Variants in CDH7 observed in about 807,000 individuals in gnomAD.
CDH7 encodes cadherin 7, also known as cadherin-7.
Under a neutral mutation model 71.8 loss-of-function variants are expected in CDH7, and 25 were observed. That is an observed-to-expected ratio of 0.35 (90% CI 0.25 to 0.49). The LOEUF is 0.49. Among genes scored for constraint, CDH7 ranks in the 20% least tolerant of loss-of-function variants. The pLI is 0.99. For missense variants in CDH7, 862 were observed against 974.6 expected, an observed-to-expected ratio of 0.88 and a Z score of 1.54; for synonymous variants, 381 against 363.8, an observed-to-expected ratio of 1.05 and a Z score of -0.54.
intron 2 of CDH7, among the ~76,000 whole-genome samples, chr18:65,790,244 G>A (rs1309097267): frequency 6.7e-4 from 81 of 120,658 alleles, no homozygotes; most frequent in African/African-American, 8.0e-4. Flanking sequence ...AAAAAAAAAA[G>A]AAGTTGCCTG....
chr18:65,817,845 G>C (rs1209009977), intron 4 of CDH7, among the ~76,000 whole-genome samples: 2 of 152,096 alleles, frequency 1.3e-5, no homozygotes, highest in Admixed American at 6.5e-5. Flanking sequence ...TATCATCAAA[G>C]GATATTTTTA....
At chr18:65,770,482 T>C (rs1916509853) in intron 2 of CDH7, among the ~76,000 whole-genome samples, 1 of 152,222 alleles carries the variant, frequency 6.6e-6, no homozygotes, top group Non-Finnish European at 1.5e-5. Context: ...TTAATGTATT[T>C]ACAGGGTTGA....
intron 2 of CDH7, among the ~76,000 whole-genome samples, chr18:65,763,523 A>G (rs1366135991): frequency 2.0e-5 from 3 of 152,018 alleles, no homozygotes; most frequent in Non-Finnish European, 4.4e-5. Flanking sequence ...AAATGAAACT[A>G]TTGACCCTAA....
At chr18:65,783,486 A>G (rs1910388272) in intron 2 of CDH7, among the ~76,000 whole-genome samples, 1 of 152,214 alleles carries the variant, frequency 6.6e-6, no homozygotes, top group Non-Finnish European at 1.5e-5. Context: ...CTCTTGTAGA[A>G]CTTCAAGTTA....
Position 65,768,938 on chromosome 18 carries a change from TC to T in CDH7, c.210+5888del, listed in dbSNP as rs1001106979. On this transcript the variant is annotated intron_variant, in intron 2 of 11. Transcript: ENST00000397968. The stretch of plus-strand genomic sequence containing the variant: ...TGTGTTTACTTTCTTCTTTTCTCTC[TC>T]CTTTTTTTTTTCAAATATTTATCGC... 1.4e-4 allele frequency among the ~76,000 whole-genome samples: 21 copies of T among 152,048 alleles called. 1 individual carries two copies. Among genetic ancestry groups the T allele is most frequent in the African/African-American group, 4.8e-4 (20 of 41,508 alleles).
At chr18:65,814,644 T>C in intron 4 of CDH7, 40 bp downstream of exon 4, 1 of 1,567,686 alleles carries the variant, frequency 6.4e-7, no homozygotes, top group African/African-American at 1.4e-5. Flanking sequence ...AGTCATCATT[T>C]GTTTGCTGCT....
intron 6 of CDH7, among the ~76,000 whole-genome samples, chr18:65,842,507 AATGTGT>A: frequency 6.6e-6 from 1 of 151,920 alleles, no homozygotes; most frequent in South Asian, 2.1e-4. Context: ...TTATATATAT[AATGTGT>A]ATATGTGTGT....
intron 6 of CDH7, 35 bp from the exon 7 acceptor site, chr18:65,843,777 C>T (rs371709344): frequency 3.2e-5 from 47 of 1,467,308 alleles, no homozygotes; most frequent in African/African-American, 2.0e-4. Flanking sequence ...ACTGTTTAAC[C>T]GGTAATTTAA....
intron 2 of CDH7, among the ~76,000 whole-genome samples, chr18:65,781,926 C>T (rs1224967166): frequency 1.0e-5 from 1 of 100,130 alleles, no homozygotes; most frequent in Non-Finnish European, 1.9e-5. Context: ...CTCTCTTTCT[C>T]TCTCTCTCTC....
intron 7 of CDH7, among the ~76,000 whole-genome samples, chr18:65,855,752 G>C (rs1252406347): frequency 6.6e-6 from 1 of 152,082 alleles, no homozygotes; most frequent in Non-Finnish European, 1.5e-5. Context: ...TACAAGTACA[G>C]CCTTATTCTT....
chr18:65,762,022 C>A (rs1916204922), intron 1 of CDH7, among the ~76,000 whole-genome samples: 2 of 152,176 alleles, frequency 1.3e-5, no homozygotes, highest in Non-Finnish European at 1.5e-5. Context: ...ACACAGCATA[C>A]ATGACAATAA....
At chr18:65,755,868 C>T (rs924823640) in intron 1 of CDH7, among the ~76,000 whole-genome samples, 1 of 152,080 alleles carries the variant, frequency 6.6e-6, no homozygotes, top group African/African-American at 2.4e-5. Context: ...TCAGAGAAGA[C>T]AGTGGATGAA....
intron 6 of CDH7, among the ~76,000 whole-genome samples, chr18:65,841,544 A>C (rs1912733412): frequency 6.6e-6 from 1 of 152,178 alleles, no homozygotes; most frequent in Admixed American, 6.6e-5. Flanking sequence ...TTTTATAAAG[A>C]ATATAAGAAC....
At chr18:65,750,746 C>G (rs994614564), upstream of CDH7, 6 of 152,870 alleles carry the variant, frequency 3.9e-5, no homozygotes, top group Non-Finnish European at 8.7e-5. Flanking sequence ...CCCTCTTCCC[C>G]TCCCTCTTCG....
At chr18:65,780,910 C>A in intron 2 of CDH7, among the ~76,000 whole-genome samples, 1 of 137,478 alleles carries the variant, frequency 7.3e-6, no homozygotes, top group East Asian at 2.1e-4. Context: ...TTGCCTCTCT[C>A]TATTCCTGTT....
At position 65,843,861 on chromosome 18, in the gene CDH7, C is replaced by T; in HGVS notation, c.1031C>T (p.Ala344Val). The T allele has an allele frequency of 6.3e-7, 1 of 1,581,190 alleles. No homozygotes were observed. The highest frequency in any genetic ancestry group is 8.6e-7 in the Non-Finnish European group (1 of 1,160,584). The change falls in exon 7 of 12, where the codon GCA (alanine) becomes GTA (valine). Residue 344 changes from alanine to valine, a missense_variant. Transcript: ENST00000397968. Reference sequence around the variant, plus strand: ...AGTTACACGCTACGGATAGAAGCTGCAAATAAAGATGCCGACCCTCGCTTT... The same window carrying T: ...AGTTACACGCTACGGATAGAAGCTGTAAATAAAGATGCCGACCCTCGCTTT... Reference protein sequence around the residue: ...KTSYTLRIEAANKDADPRFLS... With the variant: ...KTSYTLRIEAVNKDADPRFLS...
At chr18:65,794,371 G>C (rs1157958043) in intron 2 of CDH7, among the ~76,000 whole-genome samples, 1 of 152,074 alleles carries the variant, frequency 6.6e-6, no homozygotes, top group African/African-American at 2.4e-5. Context: ...ATGGATTAGA[G>C]ATGTTGAGTA....
chr18:65,760,315 T>A (rs1916154226), intron 1 of CDH7, among the ~76,000 whole-genome samples: 2 of 152,196 alleles, frequency 1.3e-5, no homozygotes, highest in Non-Finnish European at 2.9e-5. Context: ...TATTCAAGAT[T>A]ACGTAGTTAA....
At chr18:65,876,873 C>G (rs1413088216) in intron 11 of CDH7, among the ~76,000 whole-genome samples, 1 of 152,102 alleles carries the variant, frequency 6.6e-6, no homozygotes, top group Non-Finnish European at 1.5e-5. Flanking sequence ...ATGTAAATTC[C>G]TGAACAACCA....
Sources: gnomAD v4.1 joint callset for allele counts (sites outside exome capture counted in the v4.1 genomes callset) on GRCh38, gnomAD v4.1.1 for gene constraint, MANE v1.5 for transcripts, NCBI Gene and HGNC (gene_info 2026-07-23, HGNC 2026-07-21) for gene names.